TMEM232: variants seen among roughly 807,000 people sequenced by gnomAD.
The protein encoded by TMEM232 is transmembrane protein 232.
Under a neutral mutation model 78.8 loss-of-function variants are expected in TMEM232, and 80 were observed. That is an observed-to-expected ratio of 1.01 (90% CI 0.85 to 1.22). The LOEUF is 1.22. TMEM232 is among the 50% of genes most tolerant of loss of function. The probability of loss-of-function intolerance (pLI) is 0.00; values close to 1 mark genes in which losing one functional copy is unlikely to be tolerated. For missense variants in TMEM232, 881 were observed against 742.2 expected, an observed-to-expected ratio of 1.19 and a Z score of -2.17; for synonymous variants, 297 against 254.3, an observed-to-expected ratio of 1.17 and a Z score of -1.60.
chr5:110,545,465 A>C (rs903416969), intron 11 of TMEM232, among the ~76,000 whole-genome samples: 1 of 152,050 alleles, frequency 6.6e-6, no homozygotes. Flanking sequence ...TTCTTAAAAC[A>C]ATGTATTTGC....
At chr5:110,493,836 G>A (rs947277398) in intron 12 of TMEM232, among the ~76,000 whole-genome samples, 1 of 151,580 alleles carries the variant, frequency 6.6e-6, no homozygotes, top group African/African-American at 2.4e-5. Flanking sequence ...GAACATGCAG[G>A]TTTGTTACAT....
chr5:110,567,105 C>G (rs925254644), intron 11 of TMEM232, among the ~76,000 whole-genome samples: 2 of 151,790 alleles, frequency 1.3e-5, no homozygotes, highest in African/African-American at 4.8e-5. Flanking sequence ...TCCCATGATT[C>G]AATTAACTCC....
At chr5:110,643,211 A>G (rs1310864540) in intron 2 of TMEM232, among the ~76,000 whole-genome samples, 1 of 152,100 alleles carries the variant, frequency 6.6e-6, no homozygotes, top group African/African-American at 2.4e-5. Flanking sequence ...GAAAATTGTT[A>G]GAGAAGCGGA....
chr5:110,480,878 G>A (rs767790816), intron 12 of TMEM232, among the ~76,000 whole-genome samples: 24 of 152,002 alleles, frequency 1.6e-4, no homozygotes, highest in Admixed American at 7.9e-4. Context: ...GTGGTCAGTA[G>A]TAACAAATAA....
At chr5:110,433,421 T>G (rs1281349097) in intron 12 of TMEM232, among the ~76,000 whole-genome samples, 1 of 151,710 alleles carries the variant, frequency 6.6e-6, no homozygotes, top group Non-Finnish European at 1.5e-5. Flanking sequence ...AAAAGTTCTT[T>G]GAAACAAATG....
chr5:110,460,859 T>A (rs1761446482), intron 12 of TMEM232, among the ~76,000 whole-genome samples: 1 of 152,138 alleles, frequency 6.6e-6, no homozygotes. Flanking sequence ...TTGATGTAAC[T>A]ATTGTAATTG....
intron 1 of TMEM232, among the ~76,000 whole-genome samples, chr5:110,668,835 C>T (rs186942333): frequency 4.9e-4 from 74 of 152,230 alleles, no homozygotes; most frequent in Admixed American, 1.6e-3. Context: ...CACTCAGAAC[C>T]GCTCAACTGC....
intron 12 of TMEM232, among the ~76,000 whole-genome samples, chr5:110,444,205 C>T (rs1009714287): frequency 3.3e-5 from 5 of 152,110 alleles, no homozygotes; most frequent in Admixed American, 6.5e-5. Context: ...AAGTTTACCT[C>T]GGACCCTAGA....
intron 2 of TMEM232, among the ~76,000 whole-genome samples, chr5:110,409,131 T>C (rs1755899121): frequency 6.6e-6 from 1 of 152,230 alleles, no homozygotes; most frequent in Admixed American, 6.5e-5. Flanking sequence ...ACTTTGTTGT[T>C]ACTTTGCAAA....
intron 1 of TMEM232, among the ~76,000 whole-genome samples, chr5:110,699,051 C>CAAACA (rs139878818): frequency 0.045 from 6,685 of 150,020 alleles, 194 homozygotes; most frequent in Non-Finnish European, 0.069. Flanking sequence ...AGGACAAAAA[C>CAAACA]AAACAAAACA....
At chr5:110,545,878 A>G (rs1398161315) in intron 11 of TMEM232, among the ~76,000 whole-genome samples, 2 of 152,160 alleles carry the variant, frequency 1.3e-5, no homozygotes, top group African/African-American at 4.8e-5. Context: ...ATGTGCCAGC[A>G]TATGCTGCTG....
At chr5:110,714,095 A>G (rs904063905) in intron 1 of TMEM232, among the ~76,000 whole-genome samples, 1 of 152,148 alleles carries the variant, frequency 6.6e-6, no homozygotes, top group Admixed American at 6.6e-5. Flanking sequence ...TCACCCTGCC[A>G]TGGACTCTTG....
At chr5:110,461,910 G>A (rs1438728002) in intron 12 of TMEM232, among the ~76,000 whole-genome samples, 1 of 152,116 alleles carries the variant, frequency 6.6e-6, no homozygotes, top group African/African-American at 2.4e-5. Flanking sequence ...ATTTCAAAAT[G>A]TTATTGCCCA....
rs182607323 is a variant in TMEM232, at chr5:110,659,689, T to A, written c.125+7539A>T. On this transcript the variant is annotated intron_variant, in intron 2 of 13. Transcript: ENST00000455884. ...AAATTATCATGCTCATCCCACCACA[T>A]GCTTAAAAAGATCTGCAGGGAACCA... Among the ~76,000 whole-genome samples, 26 of 152,148 alleles carry A rather than the reference T, an allele frequency of 1.7e-4. 1 individual carries two copies. The highest frequency in any genetic ancestry group is 9.8e-4 in the Admixed American group (15 of 15,264).
chr5:110,520,984 C>A (rs886726935), intron 12 of TMEM232, among the ~76,000 whole-genome samples: 1 of 151,760 alleles, frequency 6.6e-6, no homozygotes, highest in African/African-American at 2.4e-5. Flanking sequence ...GGGTAGGGCT[C>A]ACTGGGGATT....
intron 12 of TMEM232, among the ~76,000 whole-genome samples, chr5:110,507,509 T>C (rs1311213884): frequency 1.3e-5 from 2 of 152,186 alleles, no homozygotes; most frequent in Non-Finnish European, 2.9e-5. Context: ...CTAAAATGCC[T>C]CAGAAGCAAA....
intron 10 of TMEM232, among the ~76,000 whole-genome samples, chr5:110,598,550 A>G (rs1780476344): frequency 6.6e-6 from 1 of 152,084 alleles, no homozygotes. Flanking sequence ...TGCTATAAAG[A>G]CATATGCACA....
In TMEM232 at chr5:110,422,519, C is replaced by CAAAA. The variant is rs34448955; in HGVS notation, c.1798-1767_1798-1764dup. Among the ~76,000 whole-genome samples, 41 of 34,552 alleles carry CAAAA rather than the reference C, an allele frequency of 1.2e-3. 1 individual carries two copies. The highest frequency in any genetic ancestry group is 3.0e-3 in the African/African-American group (34 of 11,242). The allele number at this position is 34,552 out of a possible 152,430, so 22.7% of individuals were successfully genotyped here. On this transcript the variant is annotated intron_variant, in intron 13 of 13. Transcript: ENST00000455884. Reference sequence around the variant, plus strand: ...TGGGCCACAGAGCGAGACTCTGTCTCAAAAAAAAAAAAAAAAAAAAAAAAA... The same window carrying CAAAA: ...TGGGCCACAGAGCGAGACTCTGTCTCAAAAAAAAAAAAAAAAAAAAAAAAAAAAA...
intron 1 of TMEM232, among the ~76,000 whole-genome samples, chr5:110,723,950 C>T (rs557727518): frequency 1.3e-5 from 2 of 152,080 alleles, no homozygotes; most frequent in Non-Finnish European, 2.9e-5. Context: ...AAGATGAAAA[C>T]CACATACAAA....
Sources: gnomAD v4.1 joint callset for allele counts (sites outside exome capture counted in the v4.1 genomes callset) on GRCh38, gnomAD v4.1.1 for gene constraint, MANE v1.5 for transcripts, NCBI Gene and HGNC (gene_info 2026-07-23, HGNC 2026-07-21) for gene names.